The following KCNMB2 variants were observed in gnomAD, a reference collection of about 807,000 sequenced individuals.
KCNMB2 encodes calcium-activated potassium channel subunit beta-2.
A neutral mutation model predicts 24.5 loss-of-function variants in KCNMB2; 9 were observed. The observed-to-expected ratio is 0.37, with a 90% CI of 0.22 to 0.64. KCNMB2 has a LOEUF of 0.64. Among genes scored for constraint, KCNMB2 ranks in the 30% least tolerant of loss-of-function variants. The pLI is 0.63. For synonymous variants in KCNMB2, 109 were observed against 104.4 expected, an observed-to-expected ratio of 1.04 and a Z score of -0.27; for missense variants, 226 against 284.3, an observed-to-expected ratio of 0.79 and a Z score of 1.47.
At chr3:178,651,254 C>T (rs1720108824) in intron 1 of KCNMB2, among the ~76,000 whole-genome samples, 1 of 152,076 alleles carries the variant, frequency 6.6e-6, no homozygotes, top group Non-Finnish European at 1.5e-5. Context: ...AATCAATGTG[C>T]AAAAATCACA....
In KCNMB2 at chr3:178,543,683, C is replaced by T. The variant is rs142519960; in HGVS notation, c.-68+6972C>T. Among the ~76,000 whole-genome samples, 16 of 152,210 alleles carry T rather than the reference C, an allele frequency of 1.1e-4. No individual in the cohort carries two copies. The East Asian group carries it at 2.7e-3, about 26-fold the overall frequency. On this transcript the variant is annotated intron_variant, in intron 1 of 4. Transcript: ENST00000452583. ...TGTACCAAATAACTTCTCAAATTTC[C>T]GATTCCTGAAGCTTGGTAACTAATG...
intron 1 of KCNMB2, among the ~76,000 whole-genome samples, chr3:178,800,602 T>C (rs747072304): frequency 6.6e-5 from 10 of 152,164 alleles, no homozygotes; most frequent in Non-Finnish European, 1.3e-4. Flanking sequence ...GTACAACCGT[T>C]ATGGAAAACA....
chr3:178,586,792 G>A (rs959282589), intron 1 of KCNMB2, among the ~76,000 whole-genome samples: 8 of 151,922 alleles, frequency 5.3e-5, no homozygotes, highest in East Asian at 1.9e-4. Flanking sequence ...TGATCTGCCC[G>A]CCTGGGCCTC....
At chr3:178,652,226 GA>G (rs968096490) in intron 1 of KCNMB2, among the ~76,000 whole-genome samples, 47 of 151,952 alleles carry the variant, frequency 3.1e-4, no homozygotes, top group Non-Finnish European at 6.0e-4. Context: ...GAATTTACAT[GA>G]AAAAAACAAA....
At chr3:178,725,400 A>G (rs1388787571) in intron 1 of KCNMB2, among the ~76,000 whole-genome samples, 1 of 152,042 alleles carries the variant, frequency 6.6e-6, no homozygotes, top group Non-Finnish European at 1.5e-5. Context: ...CCCCCACCAA[A>G]AAACGAAAAA....
At chr3:178,638,139 T>TTC (rs1228029948) in intron 1 of KCNMB2, among the ~76,000 whole-genome samples, 1 of 152,148 alleles carries the variant, frequency 6.6e-6, no homozygotes, top group Non-Finnish European at 1.5e-5. Context: ...CTCACTTATT[T>TTC]TCTCTGTCTT....
At chr3:178,568,802 GATAGATAGATAGATA>G (rs1285233635) in intron 1 of KCNMB2, among the ~76,000 whole-genome samples, 2 of 54,788 alleles carry the variant, frequency 3.7e-5, no homozygotes, top group Non-Finnish European at 8.0e-5. Context: ...TAGATAGATA[GATAGATAGATAGATA>G]ATAGATAGAT....
Position 178,843,275 on chromosome 3 carries a change from G to A in KCNMB2, c.*338G>A, listed in dbSNP as rs1187011993. 4.3e-6 allele frequency: 2 copies of A among 467,976 alleles called. No homozygotes were observed. The highest frequency in any genetic ancestry group is 2.4e-5 in the Admixed American group (1 of 42,254). 29.0% of individuals were successfully genotyped at this position (467,976 alleles called of 1,614,324 possible). A position where few individuals can be genotyped will look rare whatever the true frequency, so the allele number is the denominator to read the frequency against. The stretch of plus-strand genomic sequence containing the variant: ...AGGTGACATCAATGTGATAAAGTCT[G>A]TGTTCTGAGTTGTCAGATCTCTTGA... On this transcript the variant is annotated 3_prime_UTR_variant, in exon 5 of 5. Transcript: ENST00000452583.
chr3:178,643,109 C>A (rs908933413), intron 1 of KCNMB2, among the ~76,000 whole-genome samples: 1 of 152,154 alleles, frequency 6.6e-6, no homozygotes, highest in Non-Finnish European at 1.5e-5. Context: ...ATGGAATAAC[C>A]TGGATGAACC....
At chr3:178,571,252 A>G (rs1434922775) in intron 1 of KCNMB2, among the ~76,000 whole-genome samples, 1 of 151,264 alleles carries the variant, frequency 6.6e-6, no homozygotes, top group African/African-American at 2.4e-5. Flanking sequence ...CCCTGGCTCT[A>G]TTTGACAAAA....
At chr3:178,611,706 C>CAAA (rs56679826) in intron 1 of KCNMB2, among the ~76,000 whole-genome samples, 3 of 151,714 alleles carry the variant, frequency 2.0e-5, no homozygotes, top group Non-Finnish European at 4.4e-5. Context: ...CTCTGTCTCA[C>CAAA]AAAAAACAAA....
chr3:178,536,701 A>G lies in KCNMB2; in HGVS notation c.-78A>G, dbSNP rs1715422809. 1 of 152,274 alleles carries G rather than the reference A, an allele frequency of 6.6e-6. No individual in the cohort carries two copies. The allele number at this position is 152,274 out of a possible 1,614,324, so 9.4% of individuals were successfully genotyped here. On this transcript the variant is annotated 5_prime_UTR_variant, in exon 1 of 5. Coordinates refer to ENST00000452583, the MANE Select transcript of KCNMB2 (RefSeq NM_181361.3). ...GCGTGGCTTTTGAGGAAGATGTGAC[A>G]ACTACCGGAGGTAGGATTTGCATGT... is the stretch of plus-strand genomic sequence containing the variant.
At chr3:178,770,035 G>A (rs1712281000) in intron 1 of KCNMB2, among the ~76,000 whole-genome samples, 1 of 152,134 alleles carries the variant, frequency 6.6e-6, no homozygotes, top group Admixed American at 6.6e-5. Context: ...ATACCAATAG[G>A]ATGATAGAAC....
chr3:178,743,964 T>C (rs747540994), intron 1 of KCNMB2, among the ~76,000 whole-genome samples: 8 of 152,234 alleles, frequency 5.3e-5, no homozygotes, highest in Non-Finnish European at 1.0e-4. Context: ...TTGTGAAATA[T>C]CATTAGCAAA....
chr3:178,575,757 C>T (rs1273203640), intron 1 of KCNMB2, among the ~76,000 whole-genome samples: 1 of 152,126 alleles, frequency 6.6e-6, no homozygotes, highest in Non-Finnish European at 1.5e-5. Context: ...GCAATACATA[C>T]TTATGATGTG....
intron 1 of KCNMB2, among the ~76,000 whole-genome samples, chr3:178,544,469 C>A (rs1560104031): frequency 6.6e-6 from 1 of 152,120 alleles, no homozygotes; most frequent in Non-Finnish European, 1.5e-5. Context: ...CTCATCAAAG[C>A]CCGGGTGACA....
Position 178,732,181 on chromosome 3 carries a change from A to C in KCNMB2, c.-67-75162A>C, listed in dbSNP as rs982665026. Among the ~76,000 whole-genome samples the C allele has an allele frequency of 2.3e-4, 35 of 152,352 alleles. No individual in the cohort carries two copies. In the East Asian group the frequency reaches 2.7e-3, roughly 12 times the overall value. On this transcript the variant is annotated intron_variant, in intron 1 of 4. Transcript: ENST00000452583. ...AGTGACTGGATATTTGATTATACTA[A>C]GGAATTATTAAAATTTTTGTAAAAT...
At position 178,571,006 on chromosome 3, in the gene KCNMB2, C is replaced by T. The variant is rs111403262; in HGVS notation, c.-68+34295C>T. Among the ~76,000 whole-genome samples the T allele has an allele frequency of 3.7e-4, 57 of 152,282 alleles. 1 individual carries two copies. Among genetic ancestry groups the T allele is most frequent in the Middle Eastern group, 3.4e-3 (1 of 294 alleles). Reference sequence around the variant, plus strand: ...AAGTGGTTTTCCCAAGAAAGCAAGGCTAGCCACATTCTGATGTAAACATTT... The same window carrying T: ...AAGTGGTTTTCCCAAGAAAGCAAGGTTAGCCACATTCTGATGTAAACATTT... On this transcript the variant is annotated intron_variant, in intron 1 of 4. Coordinates refer to ENST00000452583, the MANE Select transcript of KCNMB2 (RefSeq NM_181361.3).
chr3:178,704,653 T>C (rs1722219057), intron 1 of KCNMB2, among the ~76,000 whole-genome samples: 2 of 152,162 alleles, frequency 1.3e-5, no homozygotes, highest in African/African-American at 4.8e-5. Flanking sequence ...AGATACCTTG[T>C]TGGAAGGGAG....
Sources: allele counts gnomAD v4.1 joint callset (sites outside exome capture counted in the v4.1 genomes callset), GRCh38; gene constraint gnomAD v4.1.1; transcripts MANE v1.5; gene names NCBI Gene and HGNC (gene_info 2026-07-23, HGNC 2026-07-21).